The following NXF1 variants were observed in gnomAD, a reference collection of about 807,000 sequenced individuals.
The protein encoded by NXF1 is nuclear RNA export factor 1.
In NXF1, 43 loss-of-function variants were observed where a neutral mutation model predicts 92.4. That is an observed-to-expected ratio of 0.47 (90% CI 0.36 to 0.60). NXF1 has a LOEUF of 0.60. Ranked by LOEUF, NXF1 falls within the 20% of genes least tolerant of loss-of-function variation. The probability of loss-of-function intolerance (pLI) is 0.00; values close to 1 mark genes in which losing one functional copy is unlikely to be tolerated. For synonymous variants in NXF1, 288 were observed against 292.2 expected (o/e 0.99, Z 0.15); for missense variants, 576 against 793.0 (o/e 0.73, Z 3.29).
At chr11:62,797,657 G>A (rs537541448) in intron 11 of NXF1, among the ~76,000 whole-genome samples, 102 of 152,264 alleles carry the variant, frequency 6.7e-4, no homozygotes, top group Admixed American at 2.2e-3. Flanking sequence ...AGTAAGCTAC[G>A]ATTGTGCCAC....
In NXF1 at chr11:62,799,031, A is replaced by G. The variant is rs188403281; in HGVS notation, c.1017-456T>C. 140 of 998,132 alleles carry G rather than the reference A, an allele frequency of 1.4e-4. No homozygotes were observed. The African/African-American group carries it at 2.2e-3, about 16-fold the overall frequency. 61.8% of individuals were successfully genotyped at this position (998,132 alleles called of 1,614,324 possible). A position where few individuals can be genotyped will look rare whatever the true frequency, so the allele number is the denominator to read the frequency against. On this transcript the variant is annotated intron_variant, in intron 10 of 20. Coordinates refer to ENST00000294172, the MANE Select transcript of NXF1 (RefSeq NM_006362.5). ...GATGGCACAGGATGTTGGGGCAGGG[A>G]GATGAGCAGGTGGGGCTCAGGAAGA...
intron 3 of NXF1, 100 bp from the exon 4 acceptor site, chr11:62,802,360 T>C: frequency 1.1e-6 from 1 of 934,492 alleles, no homozygotes; most frequent in South Asian, 1.5e-5. Context: ...TTTTAAAGAC[T>C]ATCTAAAGAA....
chr11:62,796,111 G>A lies in NXF1; in HGVS notation c.1416C>T (p.Thr472=), dbSNP rs1315683682. ...VVAFLNELPK[T]QHDVNSFVVD... ...CCACGAAGGAATTGACGTCGTGCTG[G>A]GTTTTGGGCAACTCATTGAGGAAGG... Residue 472 remains threonine, a synonymous_variant, in exon 16 of 21, where the codon ACC becomes ACT. Coordinates refer to ENST00000294172, the MANE Select transcript of NXF1 (RefSeq NM_006362.5). 10 of 1,613,898 alleles carry A rather than the reference G, an allele frequency of 6.2e-6. No homozygotes were observed. Among genetic ancestry groups the A allele is most frequent in the Non-Finnish European group, 7.6e-6 (9 of 1,180,016 alleles).
chr11:62,800,140 G>A (rs915863472), intron 10 of NXF1: 1 of 1,372,750 alleles, frequency 7.3e-7, no homozygotes, highest in African/African-American at 1.5e-5. Flanking sequence ...CAGGAAGAAA[G>A]AGAAAGGCCA....
In NXF1 at chr11:62,792,644, G is replaced by T; in HGVS notation, c.1818C>A (p.Leu606=). 6.2e-7 allele frequency: 1 copy of T among 1,614,188 alleles called. No homozygotes were observed. Among genetic ancestry groups the T allele is most frequent in the African/African-American group, 1.3e-5 (1 of 75,050 alleles). ...YTRSAQAFTH[L]KAKGEIPEVA... is the part of the protein sequence containing the mutation. ...CCACTGTATTTCCAGACCTTACCTT[G>T]AGATGAGTGAAGGCCTGGGCAGATC... is the stretch of plus-strand genomic sequence containing the variant. Residue 606 remains leucine (L), a synonymous_variant, in exon 20 of 21, where the codon CTC becomes CTA. Transcript: ENST00000294172.
intron 1 of NXF1, chr11:62,804,350 C>T (rs1415733985): frequency 1.9e-5 from 9 of 482,936 alleles, no homozygotes; most frequent in Non-Finnish European, 2.6e-5. Context: ...CAAATATGAC[C>T]AGTTTAAGGA....
At position 62,802,277 on chromosome 11, in the gene NXF1, G is replaced by T; in HGVS notation, c.370-17C>A. On this transcript the variant is annotated splice_polypyrimidine_tract_variant and intron_variant, in intron 3 of 20. Transcript: ENST00000294172. ...ATAAGGAATCTAGAAATGAGAGAAA[G>T]AGAAAAGAAGGGAATGATAAGTAAG... 1 of 1,605,412 alleles carries T rather than the reference G, an allele frequency of 6.2e-7. No individual in the cohort carries two copies. Among genetic ancestry groups the T allele is most frequent in the African/African-American group, 1.3e-5 (1 of 74,844 alleles).
chr11:62,805,357 G>A lies in NXF1; in HGVS notation c.-1C>T, dbSNP rs759126471. Reference sequence around the variant, plus strand: ...TGTACGACTTCCCCTCGTCCGCCATGCCACAGCGAAGATCAAGGGCGGGCT... The same window carrying A: ...TGTACGACTTCCCCTCGTCCGCCATACCACAGCGAAGATCAAGGGCGGGCT... On this transcript the variant is annotated 5_prime_UTR_variant, in exon 1 of 21. Coordinates refer to ENST00000294172, the MANE Select transcript of NXF1 (RefSeq NM_006362.5). 5.0e-6 allele frequency: 8 copies of A among 1,611,446 alleles called. No individual in the cohort carries two copies. Among genetic ancestry groups the A allele is most frequent in the South Asian group, 3.3e-5 (3 of 90,340 alleles).
chr11:62,796,050 G>T lies in NXF1; in HGVS notation c.1461+16C>A. ...CCCCAATTCTAGGCTTCTGTCAGGCGCAAGCAGGAGCTTACTGTCTGGGCG... is the reference window on the plus strand; with the variant it reads ...CCCCAATTCTAGGCTTCTGTCAGGCTCAAGCAGGAGCTTACTGTCTGGGCG... On this transcript the variant is annotated intron_variant, in intron 16 of 20. Coordinates refer to ENST00000294172, the MANE Select transcript of NXF1 (RefSeq NM_006362.5). 6.2e-7 allele frequency: 1 copy of T among 1,612,162 alleles called. No homozygotes were observed. Among genetic ancestry groups the T allele is most frequent in the Non-Finnish European group, 8.5e-7 (1 of 1,179,136 alleles).
chr11:62,804,262 T>A (rs2084511055), intron 1 of NXF1: 3 of 1,383,676 alleles, frequency 2.2e-6, no homozygotes, highest in Non-Finnish European at 1.9e-6. Flanking sequence ...AAAGTGTAAC[T>A]GAACACAAAT....
Position 62,796,587 on chromosome 11 carries a change from G to T in NXF1, c.1179-20C>A, listed in dbSNP as rs1003932244. The T allele has an allele frequency of 3.3e-6, 5 of 1,516,402 alleles. No individual in the cohort carries two copies. The highest frequency in any genetic ancestry group is 1.1e-5 in the South Asian group (1 of 89,474). The allele number at this position is 1,516,402 out of a possible 1,614,324, so 93.9% of individuals were successfully genotyped here. On this transcript the variant is annotated intron_variant, in intron 13 of 20. Transcript: ENST00000294172. Reference sequence around the variant, plus strand: ...TAGTACCTATGGGAAAAACAAAAAAGAAAGTATGGGCTCTGTGGTCTACAG... The same window carrying T: ...TAGTACCTATGGGAAAAACAAAAAATAAAGTATGGGCTCTGTGGTCTACAG...
In NXF1 at chr11:62,796,534, T is replaced by C. The variant is rs748667827; in HGVS notation, c.1212A>G (p.Gln404=). ...CATCATGGTAGGCATCCAGGAGCCC[T>C]TGTCGGTCTCCAGAGTCGTAAATTG... ...YYAIYDSGDR[Q]GLLDAYHDGA... The change falls in exon 14 of 21, where the codon CAA becomes CAG. Residue 404 remains glutamine (Q), a synonymous_variant. Coordinates refer to ENST00000294172, the MANE Select transcript of NXF1 (RefSeq NM_006362.5). 6.2e-6 allele frequency: 10 copies of C among 1,613,914 alleles called. No individual in the cohort carries two copies. Among genetic ancestry groups the C allele is most frequent in the East Asian group, 4.5e-5 (2 of 44,892 alleles).
At position 62,794,941 on chromosome 11, in the gene NXF1, T is replaced by C. The variant is rs775505140; in HGVS notation, c.1571A>G (p.Asn524Ser). The C allele has an allele frequency of 3.1e-6, 5 of 1,614,046 alleles. No individual in the cohort carries two copies. Among genetic ancestry groups the C allele is most frequent in the Admixed American group, 3.3e-5 (2 of 60,008 alleles). ...CGAAAAGCAGAATACTTACCCTGAA[T>C]TGCTAGCAGGAACAGCAATGAATGT... is the stretch of plus-strand genomic sequence containing the variant. ...TRTFIAVPAS[N>S]SGLCIVNDEL... Residue 524 changes from asparagine (N) to serine (S), a missense_variant, in exon 18 of 21, where the codon AAT becomes AGT. By Grantham distance (46) the Asn-to-Ser change is conservative (BLOSUM62 1). This residue lies in a region of NXF1 where 425 missense variants were observed against 635.2 expected (regional missense o/e 0.67). Transcript: ENST00000294172.
chr11:62,792,733 ACT>A, intron 19 of NXF1, 32 bp from the exon 20 acceptor site: 2 of 1,610,652 alleles, frequency 1.2e-6, no homozygotes, highest in Non-Finnish European at 1.7e-6. Flanking sequence ...CTCTGTAAGA[ACT>A]CTGACTCGTA....
In NXF1 at chr11:62,792,436, A is replaced by T. The variant is rs745902414; in HGVS notation, c.*40T>A. ...GACAACCAGACGGTAATATCCAAGG[A>T]CTATTTACAGGGGGGACTGCTTCTG... On this transcript the variant is annotated 3_prime_UTR_variant, in exon 21 of 21. Transcript: ENST00000294172. 7.4e-6 allele frequency: 12 copies of T among 1,611,596 alleles called. No individual in the cohort carries two copies. Among genetic ancestry groups the T allele is most frequent in the Admixed American group, 1.7e-5 (1 of 59,984 alleles).
intron 3 of NXF1, 99 bp from the exon 4 acceptor site, chr11:62,802,359 C>A: frequency 1.1e-6 from 1 of 945,338 alleles, no homozygotes; most frequent in Non-Finnish European, 1.6e-6. Flanking sequence ...CTTTTAAAGA[C>A]TATCTAAAGA....
chr11:62,800,168 T>G (rs964017258), intron 10 of NXF1: 15 of 1,400,106 alleles, frequency 1.1e-5, no homozygotes, highest in Non-Finnish European at 1.2e-5. Flanking sequence ...AGCAAACAGA[T>G]AGTCAAGTCA....
chr11:62,797,112 A>G, intron 13 of NXF1, 71 bp downstream of exon 13: 2 of 1,137,986 alleles, frequency 1.8e-6, no homozygotes, highest in Non-Finnish European at 2.6e-6. Flanking sequence ...AAAAAGATTG[A>G]TGTGTGCCTG....
At chr11:62,804,172 T>C in intron 1 of NXF1, 194 bp from the exon 2 acceptor site, 1 of 1,530,950 alleles carries the variant, frequency 6.5e-7, no homozygotes, top group Non-Finnish European at 8.7e-7. Context: ...GAAAAGTTAC[T>C]GGAAAACTGT....
Sources: allele counts gnomAD v4.1 joint callset (sites outside exome capture counted in the v4.1 genomes callset), GRCh38; gene constraint gnomAD v4.1.1; regional missense constraint gnomAD v4.1.1; transcripts MANE v1.5; gene names NCBI Gene and HGNC (gene_info 2026-07-23, HGNC 2026-07-21).